The following FBP2 variants were observed in gnomAD, a reference collection of about 807,000 sequenced individuals.
FBP2 encodes fructose-bisphosphatase 2.
FBP2 carries 27 observed loss-of-function variants against 31.6 expected under a neutral mutation model. The ratio of observed to expected loss-of-function variants is 0.85; its 90% CI spans 0.63 to 1.18. The LOEUF is 1.18. FBP2 is among the 50% of genes most tolerant of loss of function. The probability of loss-of-function intolerance (pLI) is 0.00; values close to 1 mark genes in which losing one functional copy is unlikely to be tolerated. For missense variants in FBP2, 421 were observed against 436.1 expected (o/e 0.97, Z 0.31); for synonymous variants, 168 against 179.8 (o/e 0.93, Z 0.53).
At chr9:94,572,221 C>T (rs959584126) in intron 3 of FBP2, among the ~76,000 whole-genome samples, 71 of 152,134 alleles carry the variant, frequency 4.7e-4, no homozygotes, top group African/African-American at 1.5e-3. Context: ...TTCTGTGGCC[C>T]TTGGTACATC....
intron 3 of FBP2, among the ~76,000 whole-genome samples, chr9:94,584,010 C>A (rs1007595091): frequency 6.6e-6 from 1 of 152,232 alleles, no homozygotes; most frequent in Admixed American, 6.5e-5. Flanking sequence ...CAAACCCACC[C>A]AGCTCTCTGT....
At chr9:94,579,071 G>GAAAAAAATT (rs1564185245) in intron 3 of FBP2, among the ~76,000 whole-genome samples, 3 of 87,228 alleles carry the variant, frequency 3.4e-5, no homozygotes, top group Admixed American at 1.3e-4. Flanking sequence ...AAAAAAAAAG[G>GAAAAAAATT]TTATTTTAAA....
chr9:94,563,464 AG>A lies in FBP2; in HGVS notation c.706-4del. 1 of 1,612,372 alleles carries A rather than the reference AG, an allele frequency of 6.2e-7. No homozygotes were observed. Among genetic ancestry groups the A allele is most frequent in the Non-Finnish European group, 8.5e-7 (1 of 1,178,946 alleles). On this transcript the variant is annotated splice_polypyrimidine_tract_variant and splice_region_variant and intron_variant, in intron 5 of 6. Coordinates refer to ENST00000375337, the MANE Select transcript of FBP2 (RefSeq NM_003837.4). ...GCCCCATAGGGAGCACTGCCATCCT[AG>A]AAGACAGAAAGCGAAGAGACAAGAT...
chr9:94,569,327 C>G (rs1478681308), intron 4 of FBP2: 1 of 152,306 alleles, frequency 6.6e-6, no homozygotes, highest in Non-Finnish European at 1.5e-5. Context: ...TCTAGTCCTG[C>G]CCGTTCCTAG....
At chr9:94,566,551 A>G (rs1295101899) in intron 5 of FBP2, among the ~76,000 whole-genome samples, 1 of 152,228 alleles carries the variant, frequency 6.6e-6, no homozygotes, top group Non-Finnish European at 1.5e-5. Context: ...GTTAATAAAT[A>G]GGTGGGTAAA....
intron 5 of FBP2, among the ~76,000 whole-genome samples, chr9:94,565,774 A>AGATAGATAGAT (rs1827178942): frequency 5.4e-4 from 4 of 7,364 alleles, no homozygotes; most frequent in Non-Finnish European, 2.4e-3. Flanking sequence ...CATAGATGAT[A>AGATAGATAGAT]GATAGATAGA....
At chr9:94,565,368 C>CA (rs369180827) in intron 5 of FBP2, among the ~76,000 whole-genome samples, 4,278 of 46,530 alleles carry the variant, frequency 0.092, 285 homozygotes, top group African/African-American at 0.31. Flanking sequence ...GACTCCACCT[C>CA]AAAAAAAAAA....
At chr9:94,589,367 C>A (rs1318605162) in intron 1 of FBP2, among the ~76,000 whole-genome samples, 2 of 152,178 alleles carry the variant, frequency 1.3e-5, no homozygotes, top group African/African-American at 4.8e-5. Flanking sequence ...CTCTGGGACG[C>A]CTCCCTGGTC....
rs1395301557 is a variant in FBP2 at position 94,559,084 on chromosome 9, C to T, written c.874G>A (p.Ala292Thr). Residue 292 changes from alanine to threonine, a missense_variant, in exon 7 of 7, where the codon GCA becomes ACA. By Grantham distance (58) the Ala-to-Thr change is moderately conservative (BLOSUM62 0). Coordinates refer to ENST00000375337, the MANE Select transcript of FBP2 (RefSeq NM_003837.4). ...CNPVAYIIEQ[A>T]GGLATTGTQP... is the part of the protein sequence containing the mutation. The stretch of plus-strand genomic sequence containing the variant: ...GTCCCCGTGGTCGCCAAGCCTCCTG[C>T]CTGCTCAATGATGTAGGCCACGGGA... 6.2e-7 allele frequency: 1 copy of T among 1,613,916 alleles called. No homozygotes were observed. Among genetic ancestry groups the T allele is most frequent in the Non-Finnish European group, 8.5e-7 (1 of 1,180,028 alleles).
chr9:94,593,680 C>A lies in FBP2; in HGVS notation c.47G>T (p.Arg16Leu). The change falls in exon 1 of 7, where the codon CGC becomes CTC. Residue 16 changes from arginine to leucine, a missense_variant. Coordinates refer to ENST00000375337, the MANE Select transcript of FBP2 (RefSeq NM_003837.4). ...PFETDMLTLTRYVMEKGRQAK... is the reference protein window; with the variant it reads ...PFETDMLTLTLYVMEKGRQAK... ...CTGACGCCCCTTTTCCATAACGTAG[C>A]GGGTCAGGGTGAGCATGTCGGTTTC... is the stretch of plus-strand genomic sequence containing the variant. The A allele has an allele frequency of 6.2e-7, 1 of 1,614,208 alleles. No homozygotes were observed. Among genetic ancestry groups the A allele is most frequent in the Non-Finnish European group, 8.5e-7 (1 of 1,180,030 alleles).
At chr9:94,563,198 G>C (rs1827134714) in intron 6 of FBP2, 144 bp downstream of exon 6, 1 of 890,864 alleles carries the variant, frequency 1.1e-6, no homozygotes, top group Non-Finnish European at 1.7e-6. Flanking sequence ...TCACTCAAGG[G>C]AAACAGAGTT....
chr9:94,589,653 GT>G (rs1432049670), intron 1 of FBP2, among the ~76,000 whole-genome samples: 1 of 152,156 alleles, frequency 6.6e-6, no homozygotes, highest in African/African-American at 2.4e-5. Context: ...GGTAGCCAGG[GT>G]TGAGAACCAC....
At chr9:94,588,400 T>C (rs1827453647) in intron 1 of FBP2, among the ~76,000 whole-genome samples, 1 of 151,960 alleles carries the variant, frequency 6.6e-6, no homozygotes, top group Non-Finnish European at 1.5e-5. Flanking sequence ...GGCGTGTAGG[T>C]CGCTTGAGCC....
In FBP2 at chr9:94,587,293, G is replaced by GC; in HGVS notation, c.333+13dup. On this transcript the variant is annotated intron_variant, in intron 2 of 6. Transcript: ENST00000375337. ...CATCTACTGGCGAGCGGGCACCGCAGCCCCATGACGCACCCGCTTCTCCTT... is the reference window on the plus strand; with the variant it reads ...CATCTACTGGCGAGCGGGCACCGCAGCCCCCATGACGCACCCGCTTCTCCTT... 5 of 1,602,738 alleles carry GC rather than the reference G, an allele frequency of 3.1e-6. No homozygotes were observed. Among genetic ancestry groups the GC allele is most frequent in the Non-Finnish European group, 4.3e-6 (5 of 1,176,390 alleles).
intron 6 of FBP2, among the ~76,000 whole-genome samples, chr9:94,561,849 G>A (rs12684591): frequency 0.088 from 13,371 of 152,200 alleles, 1,145 homozygotes; most frequent in African/African-American, 0.21. Flanking sequence ...GTGGTTATGC[G>A]CAGCAAACGC....
At chr9:94,575,647 T>C (rs1469278604) in intron 3 of FBP2, among the ~76,000 whole-genome samples, 5 of 152,326 alleles carry the variant, frequency 3.3e-5, no homozygotes, top group South Asian at 4.1e-4. Flanking sequence ...TGCTTGGCCA[T>C]AGTGTGTAAA....
chr9:94,587,450 C>T lies in FBP2; in HGVS notation c.190G>A (p.Val64Ile), dbSNP rs774072126. The part of the protein sequence containing the change: ...LAHLYGIAGS[V>I]NVTGDEVKKL... The stretch of plus-strand genomic sequence containing the variant: ...TTCACCTCATCTCCCGTCACGTTAA[C>T]GCTTCCTGCGATTCCATACCTGAGA... The change falls in exon 2 of 7, where the codon GTT becomes ATT. Residue 64 changes from valine (V) to isoleucine (I), a missense_variant. Coordinates refer to ENST00000375337, the MANE Select transcript of FBP2 (RefSeq NM_003837.4). 8 of 1,614,018 alleles carry T rather than the reference C, an allele frequency of 5.0e-6. No homozygotes were observed. The South Asian group carries it at 6.6e-5, about 13-fold the overall frequency.
intron 6 of FBP2, among the ~76,000 whole-genome samples, chr9:94,561,765 G>T (rs781649): frequency 5.3e-5 from 8 of 151,850 alleles, no homozygotes; most frequent in Non-Finnish European, 1.0e-4. Flanking sequence ...CACACACACA[G>T]AGAGACGTCG....
At chr9:94,586,521 T>C (rs1457014299) in intron 2 of FBP2, 2 of 152,166 alleles carry the variant, frequency 1.3e-5, no homozygotes, top group Non-Finnish European at 2.9e-5. Flanking sequence ...CAACTGAAAC[T>C]GAAAGTTGGA....
Sources: allele counts gnomAD v4.1 joint callset (sites outside exome capture counted in the v4.1 genomes callset), GRCh38; gene constraint gnomAD v4.1.1; transcripts MANE v1.5; gene names NCBI Gene and HGNC (gene_info 2026-07-23, HGNC 2026-07-21).